PLXDC2: variants seen among roughly 807,000 people sequenced by gnomAD.
PLXDC2 encodes plexin domain containing 2, also known as plexin domain-containing protein 2.
PLXDC2 carries 40 observed loss-of-function variants against 68.9 expected under a neutral mutation model. That is an observed-to-expected ratio of 0.58 (90% confidence interval 0.45 to 0.76). The LOEUF is 0.76. PLXDC2 is among the 30% of genes least tolerant of loss of function. The pLI, the probability that PLXDC2 is intolerant of heterozygous loss-of-function variation, is 0.00. For missense variants in PLXDC2, 644 were observed against 661.9 expected (o/e 0.97, Z 0.30); for synonymous variants, 243 against 234.2 (o/e 1.04, Z -0.34).
intron 12 of PLXDC2, among the ~76,000 whole-genome samples, chr10:20,221,783 G>A (rs891341339): frequency 4.6e-5 from 7 of 152,120 alleles, no homozygotes; most frequent in African/African-American, 1.4e-4. Flanking sequence ...TAATGAATAA[G>A]TGTGCCTAAT....
intron 1 of PLXDC2, among the ~76,000 whole-genome samples, chr10:19,949,935 T>C (rs1326233): frequency 0.82 from 124,524 of 152,190 alleles, 51,228 homozygotes; most frequent in East Asian, 0.95. Flanking sequence ...CTTTTGGAGA[T>C]CAAAGTGAAT....
chr10:20,107,203 C>T (rs1039490346), intron 4 of PLXDC2, among the ~76,000 whole-genome samples: 1 of 151,752 alleles, frequency 6.6e-6, no homozygotes, highest in Non-Finnish European at 1.5e-5. Flanking sequence ...ATATTTTCTC[C>T]ATAGGATAGC....
At chr10:19,887,366 C>G (rs1423955086) in intron 1 of PLXDC2, among the ~76,000 whole-genome samples, 1 of 151,998 alleles carries the variant, frequency 6.6e-6, no homozygotes. Flanking sequence ...ACTAAAAATA[C>G]AAAAATTAGC....
At chr10:19,928,088 TC>T (rs1212864324) in intron 1 of PLXDC2, among the ~76,000 whole-genome samples, 2 of 152,224 alleles carry the variant, frequency 1.3e-5, no homozygotes, top group Non-Finnish European at 2.9e-5. Context: ...AACAATGGCC[TC>T]CAGTTCCATC....
intron 1 of PLXDC2, among the ~76,000 whole-genome samples, chr10:19,940,351 A>G (rs1833798247): frequency 6.6e-6 from 1 of 152,158 alleles, no homozygotes; most frequent in African/African-American, 2.4e-5. Context: ...AGAATGATAT[A>G]TAGAATCAAA....
chr10:19,839,709 T>C (rs1041737579), intron 1 of PLXDC2, among the ~76,000 whole-genome samples: 1 of 151,852 alleles, frequency 6.6e-6, no homozygotes, highest in Non-Finnish European at 1.5e-5. Flanking sequence ...TCACCAATGG[T>C]AACTGTTACT....
At chr10:20,143,570 T>C (rs1479807401) in intron 5 of PLXDC2, among the ~76,000 whole-genome samples, 153 bp downstream of exon 5, 2 of 152,092 alleles carry the variant, frequency 1.3e-5, no homozygotes, top group Non-Finnish European at 2.9e-5. Flanking sequence ...CTGCTAAGAT[T>C]TATAAAGTAC....
At chr10:19,937,584 T>TATC (rs1833747720) in intron 1 of PLXDC2, among the ~76,000 whole-genome samples, 1 of 80,690 alleles carries the variant, frequency 1.2e-5, no homozygotes, top group Admixed American at 1.2e-4. Context: ...ATATATATAT[T>TATC]TGCAACTTCT....
intron 4 of PLXDC2, among the ~76,000 whole-genome samples, chr10:20,073,904 T>C (rs571901537): frequency 1.1e-4 from 17 of 152,262 alleles, no homozygotes; most frequent in African/African-American, 4.1e-4. Flanking sequence ...TGTAATCAAA[T>C]AGCTATCACT....
chr10:19,971,840 A>G (rs561848359), intron 1 of PLXDC2, among the ~76,000 whole-genome samples: 106 of 152,296 alleles, frequency 7.0e-4, no homozygotes, highest in African/African-American at 2.5e-3. Flanking sequence ...ATGTGTTTAC[A>G]TGTGATATAA....
At chr10:19,964,579 C>T (rs1177238715) in intron 1 of PLXDC2, among the ~76,000 whole-genome samples, 1 of 152,134 alleles carries the variant, frequency 6.6e-6, no homozygotes, top group African/African-American at 2.4e-5. Flanking sequence ...GTAGTAATGC[C>T]TCTGAGCCTT....
intron 12 of PLXDC2, among the ~76,000 whole-genome samples, chr10:20,226,464 C>G (rs1247673872): frequency 6.6e-6 from 1 of 152,184 alleles, no homozygotes; most frequent in African/African-American, 2.4e-5. Flanking sequence ...GTTACATTTT[C>G]TGTATTTTGT....
At chr10:19,892,949 C>A (rs931815016) in intron 1 of PLXDC2, among the ~76,000 whole-genome samples, 1 of 142,472 alleles carries the variant, frequency 7.0e-6, no homozygotes, top group Non-Finnish European at 1.5e-5. Flanking sequence ...GCCACTGTTA[C>A]AATTTGCCAT....
chr10:19,890,676 CTTT>C (rs56921191), intron 1 of PLXDC2, among the ~76,000 whole-genome samples: 5,938 of 61,144 alleles, frequency 0.097, 236 homozygotes, highest in South Asian at 0.17. Context: ...CGCCCGGCTG[CTTT>C]TTTTTTTTTT....
chr10:20,053,855 C>G (rs768255967), intron 3 of PLXDC2, among the ~76,000 whole-genome samples: 17 of 152,148 alleles, frequency 1.1e-4, no homozygotes, highest in Non-Finnish European at 2.4e-4. Flanking sequence ...AAATGCCTGC[C>G]TTTACTGCCT....
chr10:20,086,775 T>C (rs893695920), intron 4 of PLXDC2, among the ~76,000 whole-genome samples: 1 of 152,172 alleles, frequency 6.6e-6, no homozygotes, highest in African/African-American at 2.4e-5. Flanking sequence ...TGAACATTTG[T>C]AGCAGCTCCT....
intron 9 of PLXDC2, among the ~76,000 whole-genome samples, chr10:20,201,404 G>T (rs891623654): frequency 7.2e-5 from 11 of 152,052 alleles, no homozygotes; most frequent in Admixed American, 4.6e-4. Flanking sequence ...AAGAGTAGGT[G>T]AAAGAGGGAG....
At chr10:20,199,916 A>C (rs1834893963) in intron 9 of PLXDC2, among the ~76,000 whole-genome samples, 1 of 151,988 alleles carries the variant, frequency 6.6e-6, no homozygotes, top group South Asian at 2.1e-4. Context: ...TGTATTTTTA[A>C]ATTTGGTTCT....
chr10:20,049,683 C>A (rs557207075), intron 3 of PLXDC2, among the ~76,000 whole-genome samples: 16 of 151,944 alleles, frequency 1.1e-4, no homozygotes, highest in Non-Finnish European at 2.1e-4. Flanking sequence ...ATGAGAATTA[C>A]AAAACACTGC....
Sources: allele counts gnomAD v4.1 joint callset (sites outside exome capture counted in the v4.1 genomes callset), GRCh38; gene constraint gnomAD v4.1.1; transcripts MANE v1.5; gene names NCBI Gene and HGNC (gene_info 2026-07-23, HGNC 2026-07-21).